SLC35F1: variants seen among roughly 807,000 people sequenced by gnomAD.
SLC35F1 encodes solute carrier family 35 member F1.
SLC35F1 carries 14 observed loss-of-function variants against 48.7 expected under a neutral mutation model. That is an observed-to-expected ratio of 0.29 (90% CI 0.19 to 0.45). The LOEUF is 0.45. Ranked by LOEUF, SLC35F1 falls within the 20% of genes least tolerant of loss-of-function variation. SLC35F1 has a pLI of 1.00. For missense variants in SLC35F1, 404 were observed against 500.0 expected, an observed-to-expected ratio of 0.81 and a Z score of 1.83; for synonymous variants, 190 against 202.2, an observed-to-expected ratio of 0.94 and a Z score of 0.51.
At chr6:117,980,587 C>A (rs1268207900) in intron 1 of SLC35F1, among the ~76,000 whole-genome samples, 1 of 152,106 alleles carries the variant, frequency 6.6e-6, no homozygotes, top group Non-Finnish European at 1.5e-5. Flanking sequence ...ACCCTATATC[C>A]TTGGCACTGT....
intron 1 of SLC35F1, among the ~76,000 whole-genome samples, chr6:118,039,098 T>G (rs866038659): frequency 7.3e-4 from 111 of 152,312 alleles, no homozygotes; most frequent in Middle Eastern, 3.4e-3. Context: ...TGTCTTTATT[T>G]TGCCTTTATT....
chr6:118,045,074 T>C (rs1772281808), intron 1 of SLC35F1, among the ~76,000 whole-genome samples: 1 of 152,224 alleles, frequency 6.6e-6, no homozygotes, highest in African/African-American at 2.4e-5. Context: ...ACATTTAAAA[T>C]TATTTTGATA....
At chr6:118,290,514 CA>C (rs57625995) in intron 7 of SLC35F1, among the ~76,000 whole-genome samples, 6,183 of 120,772 alleles carry the variant, frequency 0.051, 144 homozygotes, top group Middle Eastern at 0.12. Context: ...TTAGTATCTG[CA>C]AAAAAAAAAA....
At chr6:118,010,766 T>C (rs1331166317) in intron 1 of SLC35F1, among the ~76,000 whole-genome samples, 1 of 152,184 alleles carries the variant, frequency 6.6e-6, no homozygotes, top group Admixed American at 6.5e-5. Context: ...CTCAAGACCA[T>C]TGCGAAGTGA....
At chr6:118,139,143 C>T (rs1027314919) in intron 1 of SLC35F1, among the ~76,000 whole-genome samples, 3 of 152,078 alleles carry the variant, frequency 2.0e-5, no homozygotes, top group Admixed American at 1.3e-4. Flanking sequence ...GACGGAGTCT[C>T]GCTCTAGTGC....
At chr6:118,139,031 A>G (rs975082905) in intron 1 of SLC35F1, among the ~76,000 whole-genome samples, 1 of 152,156 alleles carries the variant, frequency 6.6e-6, no homozygotes, top group African/African-American at 2.4e-5. Flanking sequence ...AATGATATTC[A>G]GATTCTGTTC....
At chr6:117,975,061 A>G (rs1192695859) in intron 1 of SLC35F1, among the ~76,000 whole-genome samples, 1 of 152,248 alleles carries the variant, frequency 6.6e-6, no homozygotes, top group Non-Finnish European at 1.5e-5. Context: ...AGAGCCACTG[A>G]TGTAAGTCAA....
At chr6:118,186,641 C>CA (rs1323067123) in intron 2 of SLC35F1, among the ~76,000 whole-genome samples, 1 of 152,170 alleles carries the variant, frequency 6.6e-6, no homozygotes, top group Non-Finnish European at 1.5e-5. Flanking sequence ...GTTCAACATT[C>CA]ATGGCATTCA....
chr6:118,119,660 T>C (rs1013440318), intron 1 of SLC35F1, among the ~76,000 whole-genome samples: 10 of 151,940 alleles, frequency 6.6e-5, no homozygotes, highest in South Asian at 2.1e-4. Flanking sequence ...CCCACCACCA[T>C]GCCCAGCTAA....
intron 1 of SLC35F1, chr6:117,999,374 C>T (rs1033157591): frequency 5.0e-6 from 8 of 1,584,690 alleles, no homozygotes; most frequent in Admixed American, 3.3e-5. Flanking sequence ...AACCAAGGCC[C>T]AGGCTGCAGC....
chr6:117,989,551 C>T (rs1776890936), intron 1 of SLC35F1, among the ~76,000 whole-genome samples: 1 of 152,064 alleles, frequency 6.6e-6, no homozygotes, highest in African/African-American at 2.4e-5. Context: ...CTTTGGTTCA[C>T]CGAGGGAGTT....
chr6:117,997,449 A>G (rs1413439237), intron 1 of SLC35F1, among the ~76,000 whole-genome samples: 1 of 151,940 alleles, frequency 6.6e-6, no homozygotes, highest in African/African-American at 2.4e-5. Flanking sequence ...CCTCGAGAAG[A>G]GCAACTCCAA....
intron 1 of SLC35F1, among the ~76,000 whole-genome samples, chr6:118,122,570 T>C (rs1465504509): frequency 6.6e-6 from 1 of 152,230 alleles, no homozygotes; most frequent in Non-Finnish European, 1.5e-5. Flanking sequence ...AGTTTACTTT[T>C]ATTGTGCGCG....
chr6:117,945,506 C>A (rs182862831), intron 1 of SLC35F1, among the ~76,000 whole-genome samples: 55 of 152,206 alleles, frequency 3.6e-4, no homozygotes, highest in Non-Finnish European at 6.3e-4. Flanking sequence ...GTATATAATA[C>A]TCCTCATAGC....
intron 1 of SLC35F1, among the ~76,000 whole-genome samples, chr6:117,996,168 A>G (rs533675817): frequency 6.6e-6 from 1 of 152,360 alleles, no homozygotes; most frequent in South Asian, 2.1e-4. Context: ...TTAAAACTTT[A>G]CATTTATAAA....
intron 1 of SLC35F1, among the ~76,000 whole-genome samples, chr6:118,113,216 A>T (rs533882487): frequency 6.6e-6 from 1 of 152,224 alleles, no homozygotes; most frequent in African/African-American, 2.4e-5. Flanking sequence ...CCTCCCAAGT[A>T]GCTGGGGCTG....
At chr6:118,105,502 C>G (rs866048455) in intron 1 of SLC35F1, among the ~76,000 whole-genome samples, 20 of 152,218 alleles carry the variant, frequency 1.3e-4, no homozygotes, top group African/African-American at 4.8e-4. Flanking sequence ...GTTTGCTTCA[C>G]CACTCACACC....
chr6:118,281,908 T>C (rs1775989200), intron 6 of SLC35F1, among the ~76,000 whole-genome samples: 1 of 152,216 alleles, frequency 6.6e-6, no homozygotes, highest in Admixed American at 6.5e-5. Flanking sequence ...TGGAGATTAA[T>C]TACTGTACAT....
chr6:118,054,865 C>T (rs1370813251), intron 1 of SLC35F1, among the ~76,000 whole-genome samples: 2 of 152,064 alleles, frequency 1.3e-5, no homozygotes, highest in Non-Finnish European at 2.9e-5. Flanking sequence ...CAACCTCCAA[C>T]TCCCTGGTTC....
Sources: allele counts gnomAD v4.1 joint callset (sites outside exome capture counted in the v4.1 genomes callset), GRCh38; gene constraint gnomAD v4.1.1; transcripts MANE v1.5; gene names NCBI Gene and HGNC (gene_info 2026-07-23, HGNC 2026-07-21).